Variants in WNT10A observed in about 807,000 individuals in gnomAD.
WNT10A encodes the protein protein Wnt-10a.
In WNT10A, 37 loss-of-function variants were observed where a neutral mutation model predicts 36.1. That is an observed-to-expected ratio of 1.02 (90% CI 0.79 to 1.35). WNT10A has a LOEUF of 1.35. Among genes scored for constraint, WNT10A ranks in the 40% most tolerant of loss-of-function variants. The pLI is 0.00. For missense variants in WNT10A, 613 were observed against 601.4 expected, an observed-to-expected ratio of 1.02 and a Z score of -0.20; for synonymous variants, 255 against 254.1, an observed-to-expected ratio of 1.00 and a Z score of -0.03.
In WNT10A at chr2:218,892,894, C is replaced by T. The variant is rs563548971; in HGVS notation, c.877C>T (p.Arg293Cys). ...CACCGTGGGGGCGCTGCTGCGCAGC[C>T]GCTTCCACCGCGCCACGCTCATCCG... ...FRTVGALLRS[R>C]FHRATLIRPH... The change falls in exon 4 of 4, where the codon CGC (arginine) becomes TGC (cysteine). Residue 293 changes from arginine (R) to cysteine (C), a missense_variant. Arg to Cys is a radical substitution (Grantham distance 180, BLOSUM62 -3). Coordinates refer to ENST00000258411, the MANE Select transcript of WNT10A (RefSeq NM_025216.3). 7 of 1,551,830 alleles carry T rather than the reference C, an allele frequency of 4.5e-6. No homozygotes were observed. The East Asian group carries it at 7.3e-5, about 16-fold the overall frequency.
At chr2:218,885,485 G>A (rs1476693635) in intron 2 of WNT10A, among the ~76,000 whole-genome samples, 1 of 152,202 alleles carries the variant, frequency 6.6e-6, no homozygotes. Flanking sequence ...GCTCAGCACT[G>A]GAGTAAGAGA....
intron 1 of WNT10A, 132 bp downstream of exon 1, chr2:218,881,240 C>G: frequency 7.5e-7 from 1 of 1,337,678 alleles, no homozygotes; most frequent in South Asian, 1.3e-5. Context: ...TGCTGGTGCC[C>G]AACCAAAGGC....
In WNT10A at chr2:218,890,229, T is replaced by C. The variant is rs1359967443; in HGVS notation, c.622T>C (p.Ser208Pro). Reference protein sequence around the residue: ...LPTASPGLQDSWEWGGCSPDM... With the variant: ...LPTASPGLQDPWEWGGCSPDM... ...CACAGCCAGCCCAGGCCTGCAGGAC[T>C]CCTGGGAGTGGGGCGGCTGCAGCCC... Residue 208 changes from serine (S) to proline (P), a missense_variant, in exon 3 of 4, where the codon TCC becomes CCC. By Grantham distance (74) the Ser-to-Pro change is moderately conservative. Coordinates refer to ENST00000258411, the MANE Select transcript of WNT10A (RefSeq NM_025216.3). 3.1e-6 allele frequency: 5 copies of C among 1,613,948 alleles called. No homozygotes were observed. The East Asian group carries it at 6.7e-5, about 22-fold the overall frequency.
intron 2 of WNT10A, chr2:218,883,700 C>T (rs1032033372): frequency 9.9e-5 from 15 of 151,974 alleles, no homozygotes; most frequent in African/African-American, 3.6e-4. Context: ...GCGCCGCTCT[C>T]AGAGGGCAAC....
chr2:218,892,494 C>G (rs1944664728), intron 3 of WNT10A, among the ~76,000 whole-genome samples: 1 of 152,162 alleles, frequency 6.6e-6, no homozygotes. Flanking sequence ...CCCAAGGGCC[C>G]CCTGCAGCTG....
At position 218,887,065 on chromosome 2, in the gene WNT10A, G is replaced by A. The variant is rs1409137554; in HGVS notation, c.377-2919G>A. Among the ~76,000 whole-genome samples, 3 of 152,166 alleles carry A rather than the reference G, an allele frequency of 2.0e-5. No homozygotes were observed. In the South Asian group the frequency reaches 6.2e-4, roughly 32 times the overall value. On this transcript the variant is annotated intron_variant, in intron 2 of 3. Coordinates refer to ENST00000258411, the MANE Select transcript of WNT10A (RefSeq NM_025216.3). The stretch of plus-strand genomic sequence containing the variant: ...GACCAGCCTCATCCTCTTTCCTGGT[G>A]CCATGCACAGACAAGTCGATAGGAA...
rs1419496250 is a variant in WNT10A, at chr2:218,882,155, C to T, written c.114-6C>T. 1 of 1,613,944 alleles carries T rather than the reference C, an allele frequency of 6.2e-7. No individual in the cohort carries two copies. The highest frequency in any genetic ancestry group is 8.5e-7 in the Non-Finnish European group (1 of 1,179,874). ...CACGTACCCACTCCACCCCATATGTCTGCAGGTCAGCACCCAATGACATTC... is the reference window on the plus strand; with the variant it reads ...CACGTACCCACTCCACCCCATATGTTTGCAGGTCAGCACCCAATGACATTC... On this transcript the variant is annotated splice_polypyrimidine_tract_variant and splice_region_variant and intron_variant, in intron 1 of 3. Transcript: ENST00000258411.
chr2:218,892,294 C>T (rs1444268185), intron 3 of WNT10A, among the ~76,000 whole-genome samples: 1 of 146,034 alleles, frequency 6.8e-6, no homozygotes, highest in African/African-American at 2.6e-5. Context: ...CACCCCTCCA[C>T]CCACCCCACC....
intron 2 of WNT10A, among the ~76,000 whole-genome samples, chr2:218,885,636 G>A (rs1282604255): frequency 6.6e-6 from 1 of 152,260 alleles, no homozygotes; most frequent in Non-Finnish European, 1.5e-5. Context: ...GAGGGCATGA[G>A]GCCCTGCAGC....
chr2:218,892,714 G>A, intron 3 of WNT10A, 60 bp from the exon 4 acceptor site: 1 of 1,546,944 alleles, frequency 6.5e-7, no homozygotes, highest in East Asian at 2.4e-5. Flanking sequence ...GCCAGGCTAA[G>A]CGCTGGGAGG....
chr2:218,876,963 G>A (rs1944458210), upstream of WNT10A, among the ~76,000 whole-genome samples: 1 of 152,174 alleles, frequency 6.6e-6, no homozygotes, highest in Non-Finnish European at 1.5e-5. Flanking sequence ...AGACTGTCTG[G>A]GACGTCTGGG....
chr2:218,891,793 T>C (rs1239648244), intron 3 of WNT10A, among the ~76,000 whole-genome samples: 1 of 152,208 alleles, frequency 6.6e-6, no homozygotes, highest in Admixed American at 6.5e-5. Flanking sequence ...CGCCCTCTCT[T>C]ATGGCCCTAC....
At chr2:218,890,944 A>C (rs1944643584) in intron 3 of WNT10A, among the ~76,000 whole-genome samples, 1 of 152,210 alleles carries the variant, frequency 6.6e-6, no homozygotes. Context: ...TCATTCATTA[A>C]AAATAAATTA....
intron 2 of WNT10A, among the ~76,000 whole-genome samples, chr2:218,883,112 C>A (rs1214008018): frequency 6.6e-6 from 1 of 152,216 alleles, no homozygotes; most frequent in African/African-American, 2.4e-5. Flanking sequence ...CCCACCCTGA[C>A]AATCCCAGAG....
intron 2 of WNT10A, among the ~76,000 whole-genome samples, chr2:218,886,176 G>A (rs1342504060): frequency 1.3e-5 from 2 of 152,080 alleles, no homozygotes; most frequent in African/African-American, 4.8e-5. Flanking sequence ...TGCAATGGGG[G>A]AGCATGCCAA....
chr2:218,876,032 T>C (rs1472664385), upstream of WNT10A, among the ~76,000 whole-genome samples: 1 of 152,188 alleles, frequency 6.6e-6, no homozygotes, highest in African/African-American at 2.4e-5. Flanking sequence ...CGCCTCTGCA[T>C]CTATTGTTTC....
At chr2:218,883,205 C>A (rs1266455945) in intron 2 of WNT10A, among the ~76,000 whole-genome samples, 1 of 152,134 alleles carries the variant, frequency 6.6e-6, no homozygotes, top group Non-Finnish European at 1.5e-5. Context: ...CAGGCCTTGA[C>A]TTTTGGGAAG....
At chr2:218,892,508 G>GGC (rs1944664877) in intron 3 of WNT10A, among the ~76,000 whole-genome samples, 1 of 152,166 alleles carries the variant, frequency 6.6e-6, no homozygotes, top group Non-Finnish European at 1.5e-5. Context: ...GCAGCTGCTG[G>GGC]AAAGGCGGGC....
At chr2:218,879,630 G>C (rs1363756587), upstream of WNT10A, among the ~76,000 whole-genome samples, 2 of 152,318 alleles carry the variant, frequency 1.3e-5, 1 homozygote, top group East Asian at 3.9e-4. Flanking sequence ...ACCTCCTAGA[G>C]GACCATGTGC....
Sources: allele counts gnomAD v4.1 joint callset (sites outside exome capture counted in the v4.1 genomes callset), GRCh38; gene constraint gnomAD v4.1.1; transcripts MANE v1.5; gene names NCBI Gene and HGNC (gene_info 2026-07-23, HGNC 2026-07-21).